KCNIP4: variants seen among roughly 807,000 people sequenced by gnomAD.
KCNIP4 encodes the protein potassium voltage-gated channel interacting protein 4.
Under a neutral mutation model 34.0 loss-of-function variants are expected in KCNIP4, and 12 were observed. The ratio of observed to expected loss-of-function variants is 0.35; its 90% CI spans 0.23 to 0.57. KCNIP4 has a LOEUF of 0.57. KCNIP4 is among the 20% of genes least tolerant of loss of function. KCNIP4 has a pLI of 0.83. For synonymous variants in KCNIP4, 124 were observed against 102.2 expected (o/e 1.21, Z -1.29); for missense variants, 238 against 311.7 (o/e 0.76, Z 1.78).
At chr4:21,601,204 C>T (rs1295720567) in intron 1 of KCNIP4, among the ~76,000 whole-genome samples, 2 of 151,916 alleles carry the variant, frequency 1.3e-5, no homozygotes, top group Non-Finnish European at 2.9e-5. Context: ...TATCATCAAA[C>T]CAAATCTGAT....
chr4:20,915,449 T>C (rs1229186413), intron 1 of KCNIP4, among the ~76,000 whole-genome samples: 1 of 152,222 alleles, frequency 6.6e-6, no homozygotes, highest in African/African-American at 2.4e-5. Context: ...ATTTTTTGGA[T>C]ATGTGTAGCT....
At chr4:21,643,864 TGATGATGATAGATA>T (rs749894951) in intron 1 of KCNIP4, among the ~76,000 whole-genome samples, 239 of 97,582 alleles carry the variant, frequency 2.4e-3, no homozygotes, top group African/African-American at 7.2e-3. Flanking sequence ...TAGGTGATGA[TGATGATGATAGATA>T]GATAGATAGA....
intron 1 of KCNIP4, among the ~76,000 whole-genome samples, chr4:21,232,039 TA>T (rs1454849902): frequency 6.6e-6 from 1 of 152,166 alleles, no homozygotes; most frequent in Non-Finnish European, 1.5e-5. Flanking sequence ...AACTGTTCTT[TA>T]CCCCGATGCT....
At chr4:21,944,264 C>T (rs141170168) in intron 1 of KCNIP4, among the ~76,000 whole-genome samples, 4,749 of 152,082 alleles carry the variant, frequency 0.031, 101 homozygotes, top group Middle Eastern at 0.068. Flanking sequence ...GGAGATCTGG[C>T]TGGGCGCGGT....
intron 1 of KCNIP4, among the ~76,000 whole-genome samples, chr4:21,262,988 T>C (rs529635426): frequency 2.1e-4 from 32 of 152,168 alleles, no homozygotes; most frequent in Non-Finnish European, 2.9e-4. Flanking sequence ...AATGAATAAA[T>C]AACAAAATCC....
chr4:21,092,296 G>A (rs757361418), intron 1 of KCNIP4, among the ~76,000 whole-genome samples: 3 of 151,910 alleles, frequency 2.0e-5, no homozygotes, highest in Non-Finnish European at 4.4e-5. Context: ...CACCGAGAAT[G>A]CTATCGGGTC....
chr4:21,742,321 A>C (rs1249679453), intron 1 of KCNIP4, among the ~76,000 whole-genome samples: 2 of 152,170 alleles, frequency 1.3e-5, no homozygotes, highest in Non-Finnish European at 2.9e-5. Flanking sequence ...GTCTGGGCTT[A>C]TTGTCCCTAA....
intron 1 of KCNIP4, among the ~76,000 whole-genome samples, chr4:21,148,465 T>C (rs1560764906): frequency 1.3e-5 from 2 of 152,160 alleles, no homozygotes; most frequent in African/African-American, 2.4e-5. Context: ...ACGCATCCAA[T>C]GATGATAGTT....
chr4:21,902,238 T>C (rs1309947898), intron 1 of KCNIP4, among the ~76,000 whole-genome samples: 1 of 152,088 alleles, frequency 6.6e-6, no homozygotes, highest in Non-Finnish European at 1.5e-5. Context: ...ATTTCCTTCA[T>C]CACACAGAGG....
rs184348162 is a variant in KCNIP4, at chr4:20,733,908, G to A, written c.537+720C>T. On this transcript the variant is annotated intron_variant, in intron 6 of 8. Coordinates refer to ENST00000382152, the MANE Select transcript of KCNIP4 (RefSeq NM_025221.6). ...CTTGCACCTGTGTCTCTCCAGTAGCGCAAGTTCATGTCATTTGCTGTTGGC... is the reference window on the plus strand; with the variant it reads ...CTTGCACCTGTGTCTCTCCAGTAGCACAAGTTCATGTCATTTGCTGTTGGC... Among the ~76,000 whole-genome samples the A allele has an allele frequency of 6.7e-4, 102 of 152,218 alleles. 1 individual carries two copies. The highest frequency in any genetic ancestry group is 3.8e-4 in the Non-Finnish European group (26 of 68,024).
chr4:21,556,930 A>AAAAAAAAAAAAAAAAC (rs1553903108), intron 1 of KCNIP4, among the ~76,000 whole-genome samples: 206 of 107,744 alleles, frequency 1.9e-3, no homozygotes, highest in East Asian at 2.6e-3. Context: ...CAGAAAAAAA[A>AAAAAAAAAAAAAAAAC]AAAAAAAAAA....
intron 1 of KCNIP4, among the ~76,000 whole-genome samples, chr4:21,434,907 T>TG (rs1210120123): frequency 6.6e-6 from 1 of 152,176 alleles, no homozygotes; most frequent in East Asian, 1.9e-4. Flanking sequence ...ACTGCTTTCT[T>TG]GACACCTTAG....
chr4:21,806,619 G>A (rs1343486367), intron 1 of KCNIP4, among the ~76,000 whole-genome samples: 3 of 152,126 alleles, frequency 2.0e-5, no homozygotes, highest in Non-Finnish European at 4.4e-5. Flanking sequence ...ATACAACTGT[G>A]CATAAATGCA....
At chr4:21,589,409 G>A (rs928224993) in intron 1 of KCNIP4, among the ~76,000 whole-genome samples, 4 of 147,024 alleles carry the variant, frequency 2.7e-5, no homozygotes, top group African/African-American at 1.0e-4. Context: ...GTAAGGCAAG[G>A]GTTCTAGAGA....
intron 1 of KCNIP4, among the ~76,000 whole-genome samples, chr4:21,257,240 G>A (rs766519423): frequency 5.9e-5 from 9 of 152,188 alleles, no homozygotes; most frequent in Non-Finnish European, 8.8e-5. Context: ...TTCGATTTGA[G>A]ACGTCTCTTG....
intron 1 of KCNIP4, among the ~76,000 whole-genome samples, chr4:21,883,805 A>G (rs1182759677): frequency 2.0e-5 from 3 of 152,102 alleles, no homozygotes; most frequent in Non-Finnish European, 4.4e-5. Context: ...TATAGCAATC[A>G]CTCAATAGCT....
intron 1 of KCNIP4, among the ~76,000 whole-genome samples, chr4:21,767,222 A>G (rs1159453161): frequency 6.6e-6 from 1 of 152,124 alleles, no homozygotes; most frequent in Admixed American, 6.6e-5. Flanking sequence ...ACCAGAAGAC[A>G]CTGGAGGAGG....
chr4:21,809,927 T>C (rs1721524041), intron 1 of KCNIP4, among the ~76,000 whole-genome samples: 4 of 152,306 alleles, frequency 2.6e-5, no homozygotes, highest in South Asian at 2.1e-4. Flanking sequence ...AAGTAAGGCA[T>C]TAATCCAATT....
chr4:20,930,420 T>C (rs1027062377), intron 1 of KCNIP4, among the ~76,000 whole-genome samples: 8 of 151,968 alleles, frequency 5.3e-5, no homozygotes, highest in African/African-American at 1.7e-4. Context: ...GAGAAGAACA[T>C]AGGGGGAAAA....
Sources: gnomAD v4.1 joint callset for allele counts (sites outside exome capture counted in the v4.1 genomes callset) on GRCh38, gnomAD v4.1.1 for gene constraint, MANE v1.5 for transcripts, NCBI Gene and HGNC (gene_info 2026-07-23, HGNC 2026-07-21) for gene names.